HS3ST5: variants seen among roughly 807,000 people sequenced by gnomAD.
HS3ST5 encodes the protein heparan sulfate-glucosamine 3-sulfotransferase 5.
In HS3ST5, 10 loss-of-function variants were observed where a neutral mutation model predicts 25.4. That is an observed-to-expected ratio of 0.39 (90% confidence interval 0.24 to 0.67). The LOEUF (loss-of-function observed/expected upper bound fraction) is 0.67. Ranked by LOEUF, HS3ST5 falls within the 30% of genes least tolerant of loss-of-function variation. The pLI, the probability that HS3ST5 is intolerant of heterozygous loss-of-function variation, is 0.44. For synonymous variants in HS3ST5, 170 were observed against 162.4 expected, an observed-to-expected ratio of 1.05 and a Z score of -0.36; for missense variants, 324 against 420.7, an observed-to-expected ratio of 0.77 and a Z score of 2.01.
chr6:114,278,683 C>T (rs2114729320), intron 1 of HS3ST5, among the ~76,000 whole-genome samples: 1 of 152,056 alleles, frequency 6.6e-6, no homozygotes. Flanking sequence ...TGAGAGGAAG[C>T]ACACTGCTGA....
intron 1 of HS3ST5, among the ~76,000 whole-genome samples, chr6:114,320,984 G>A (rs569607562): frequency 5.7e-4 from 86 of 149,698 alleles, no homozygotes; most frequent in Non-Finnish European, 1.0e-3. Flanking sequence ...GGCTAGTCTC[G>A]AACTCCTGGC....
At chr6:114,256,322 AGCTTGCAGTGAGCCGAG>A (rs1486258041) in intron 1 of HS3ST5, among the ~76,000 whole-genome samples, 3 of 151,460 alleles carry the variant, frequency 2.0e-5, no homozygotes, top group Admixed American at 1.3e-4. Context: ...CGGGAGGCAG[AGCTTGCAGTGAGCCGAG>A]ATTGCGCCAC....
At chr6:114,278,528 C>T (rs1382811184) in intron 1 of HS3ST5, among the ~76,000 whole-genome samples, 3 of 151,568 alleles carry the variant, frequency 2.0e-5, no homozygotes, top group African/African-American at 4.8e-5. Flanking sequence ...TTCTAAAATA[C>T]TGATACTTCA....
intron 1 of HS3ST5, among the ~76,000 whole-genome samples, chr6:114,336,706 G>A (rs1001727948): frequency 7.9e-5 from 12 of 152,186 alleles, no homozygotes; most frequent in Admixed American, 4.6e-4. Flanking sequence ...AGTAAAGCAG[G>A]GATTTTAATT....
At chr6:114,341,222 G>GGAGAGAGA (rs4034605) in intron 1 of HS3ST5, among the ~76,000 whole-genome samples, 5,738 of 46,520 alleles carry the variant, frequency 0.12, 855 homozygotes, top group Non-Finnish European at 0.14. Context: ...GGAGAGAGGG[G>GGAGAGAGA]GAGAGAGAGA....
chr6:114,068,378 C>G (rs533050322), intron 3 of HS3ST5, among the ~76,000 whole-genome samples: 1 of 152,312 alleles, frequency 6.6e-6, no homozygotes, highest in Middle Eastern at 3.4e-3. Context: ...TGCTAAGATA[C>G]AATATCATAG....
intron 3 of HS3ST5, among the ~76,000 whole-genome samples, chr6:114,123,653 A>T (rs559735514): frequency 6.6e-6 from 1 of 152,314 alleles, no homozygotes; most frequent in Non-Finnish European, 1.5e-5. Context: ...CTAATCCATG[A>T]CTTGACCTGC....
At chr6:114,249,241 T>C (rs1772529611) in intron 1 of HS3ST5, among the ~76,000 whole-genome samples, 1 of 152,346 alleles carries the variant, frequency 6.6e-6, no homozygotes, top group South Asian at 2.1e-4. Flanking sequence ...TCAGCACATA[T>C]GCACTAATTA....
chr6:114,174,904 G>A lies in HS3ST5; in HGVS notation c.-144-6442C>T, dbSNP rs193274947. ...GCTACTCAAGAGGCAGAGGCAGGAG[G>A]ATTGCTTGAACCCGGGAGGTGGAGG... is the stretch of plus-strand genomic sequence containing the variant. On this transcript the variant is annotated intron_variant, in intron 2 of 4. Transcript: ENST00000312719. 2.0e-5 allele frequency among the ~76,000 whole-genome samples: 3 copies of A among 152,102 alleles called. No homozygotes were observed. In the East Asian group the frequency reaches 5.8e-4, roughly 30 times the overall value.
chr6:114,191,957 T>G (rs993562450), intron 2 of HS3ST5, among the ~76,000 whole-genome samples: 1 of 152,170 alleles, frequency 6.6e-6, no homozygotes, highest in Non-Finnish European at 1.5e-5. Flanking sequence ...GTTGGCAAAT[T>G]ATTCCCCAAA....
intron 3 of HS3ST5, among the ~76,000 whole-genome samples, chr6:114,130,908 G>A (rs1292089879): frequency 6.6e-6 from 1 of 152,100 alleles, no homozygotes; most frequent in Non-Finnish European, 1.5e-5. Context: ...GAGCATGGTG[G>A]TGCACCCTTG....
At chr6:114,241,175 C>T (rs1468672761) in intron 1 of HS3ST5, among the ~76,000 whole-genome samples, 1 of 134,256 alleles carries the variant, frequency 7.4e-6, no homozygotes, top group African/African-American at 2.8e-5. Context: ...AAAGAAATAC[C>T]TTATCTCCCT....
intron 3 of HS3ST5, among the ~76,000 whole-genome samples, chr6:114,104,195 CTGAG>C: frequency 6.6e-6 from 1 of 152,214 alleles, no homozygotes; most frequent in East Asian, 1.9e-4. Flanking sequence ...GACCCCTAGT[CTGAG>C]TGGTATATTT....
At chr6:114,242,051 C>A (rs1279645295) in intron 1 of HS3ST5, among the ~76,000 whole-genome samples, 1 of 152,128 alleles carries the variant, frequency 6.6e-6, no homozygotes, top group Non-Finnish European at 1.5e-5. Flanking sequence ...TGTCGGGTAT[C>A]TTCAGCACCA....
chr6:114,067,724 G>T (rs1311724090), intron 3 of HS3ST5, among the ~76,000 whole-genome samples: 1 of 152,108 alleles, frequency 6.6e-6, no homozygotes, highest in Non-Finnish European at 1.5e-5. Context: ...GGCAGGCCCG[G>T]TACGCATTCC....
chr6:114,216,070 T>C (rs1009619944), intron 2 of HS3ST5, among the ~76,000 whole-genome samples: 4 of 152,250 alleles, frequency 2.6e-5, no homozygotes, highest in Non-Finnish European at 5.9e-5. Flanking sequence ...ACTGCGGCTC[T>C]GCTGCATAAT....
chr6:114,174,112 C>CA (rs1380042437), intron 2 of HS3ST5, among the ~76,000 whole-genome samples: 1 of 151,902 alleles, frequency 6.6e-6, no homozygotes, highest in Non-Finnish European at 1.5e-5. Flanking sequence ...CTGCCTGGCC[C>CA]ATTCATTCAT....
At chr6:114,111,446 C>T (rs1447549216) in intron 3 of HS3ST5, among the ~76,000 whole-genome samples, 1 of 152,140 alleles carries the variant, frequency 6.6e-6, no homozygotes, top group South Asian at 2.1e-4. Context: ...ATTTTCTAAG[C>T]CATTTAGTAG....
At chr6:114,123,089 G>C (rs1230443197) in intron 3 of HS3ST5, among the ~76,000 whole-genome samples, 1 of 152,150 alleles carries the variant, frequency 6.6e-6, no homozygotes, top group Non-Finnish European at 1.5e-5. Context: ...GAGTAGCTGG[G>C]ATTACAGGCA....
Sources: allele counts gnomAD v4.1 joint callset (sites outside exome capture counted in the v4.1 genomes callset), GRCh38; gene constraint gnomAD v4.1.1; transcripts MANE v1.5; gene names NCBI Gene and HGNC (gene_info 2026-07-23, HGNC 2026-07-21).